The following TRIM2 variants were observed in gnomAD, a reference collection of about 807,000 sequenced individuals.
TRIM2 encodes tripartite motif-containing protein 2.
A neutral mutation model predicts 75.2 loss-of-function variants in TRIM2; 20 were observed. The ratio of observed to expected loss-of-function variants is 0.27; its 90% confidence interval spans 0.19 to 0.39. TRIM2 has a LOEUF of 0.39. TRIM2 is among the 10% of genes least tolerant of loss of function. TRIM2 has a pLI of 1.00. For synonymous variants in TRIM2, 373 were observed against 388.3 expected, an observed-to-expected ratio of 0.96 and a Z score of 0.46; for missense variants, 660 against 990.8, an observed-to-expected ratio of 0.67 and a Z score of 4.48.
At chr4:153,228,892 A>G (rs1742874725) in intron 1 of TRIM2, among the ~76,000 whole-genome samples, 1 of 152,140 alleles carries the variant, frequency 6.6e-6, no homozygotes, top group South Asian at 2.1e-4. Context: ...TTCCCCCCAC[A>G]AATGGTGTCT....
At chr4:153,180,258 C>T (rs1731914296) in intron 1 of TRIM2, among the ~76,000 whole-genome samples, 2 of 152,184 alleles carry the variant, frequency 1.3e-5, no homozygotes, top group Admixed American at 6.5e-5. Context: ...TAATGTCAGG[C>T]TCTCTTTTGT....
At chr4:153,229,047 T>G (rs1195694729) in intron 1 of TRIM2, among the ~76,000 whole-genome samples, 3 of 152,192 alleles carry the variant, frequency 2.0e-5, no homozygotes, top group African/African-American at 7.2e-5. Context: ...TGGGGCCCTG[T>G]GCAAAGTGCT....
At chr4:153,222,974 C>G (rs895104397) in intron 1 of TRIM2, 1 of 152,254 alleles carries the variant, frequency 6.6e-6, no homozygotes, top group African/African-American at 2.4e-5. Context: ...GGCCCAGGCC[C>G]GAGGGGTGAG....
chr4:153,253,754 T>C (rs1292930844), intron 1 of TRIM2, among the ~76,000 whole-genome samples: 1 of 152,058 alleles, frequency 6.6e-6, no homozygotes, highest in Non-Finnish European at 1.5e-5. Context: ...ACTGTTACAC[T>C]CCCACCAGCG....
chr4:153,311,894 T>A (rs1327574779), intron 6 of TRIM2, among the ~76,000 whole-genome samples: 2 of 144,298 alleles, frequency 1.4e-5, no homozygotes, highest in Non-Finnish European at 3.0e-5. Flanking sequence ...GTTTTTATTC[T>A]TTTATTTATT....
intron 1 of TRIM2, among the ~76,000 whole-genome samples, chr4:153,267,248 CGGT>C (rs1560915822): frequency 1.3e-5 from 2 of 151,970 alleles, no homozygotes; most frequent in African/African-American, 4.8e-5. Flanking sequence ...AGGTCAAGGG[CGGT>C]GTTGTGGTTT....
chr4:153,233,839 G>A (rs1341735314), intron 1 of TRIM2, among the ~76,000 whole-genome samples: 2 of 152,166 alleles, frequency 1.3e-5, no homozygotes, highest in Non-Finnish European at 2.9e-5. Flanking sequence ...CCTGCTGAGA[G>A]AGATGTTAAA....
intron 1 of TRIM2, among the ~76,000 whole-genome samples, chr4:153,221,762 A>AGCG (rs1740095692): frequency 1.2e-5 from 1 of 81,966 alleles, no homozygotes; most frequent in Non-Finnish European, 2.3e-5. Context: ...GAGGGAGGAA[A>AGCG]TAAGGAAGGA....
At chr4:153,247,971 G>A (rs1749732679) in intron 1 of TRIM2, among the ~76,000 whole-genome samples, 1 of 150,224 alleles carries the variant, frequency 6.7e-6, no homozygotes, top group South Asian at 2.1e-4. Context: ...GACTGCTTAT[G>A]ATGCATCAGG....
In TRIM2 at chr4:153,338,394, A is replaced by G; in HGVS notation, c.*3428A>G. The G allele has an allele frequency of 1.0e-6, 1 of 985,710 alleles. No homozygotes were observed. Among genetic ancestry groups the G allele is most frequent in the Non-Finnish European group, 1.2e-6 (1 of 829,800 alleles). The allele number at this position is 985,710 out of a possible 1,614,324, so 61.1% of individuals were successfully genotyped here. On this transcript the variant is annotated 3_prime_UTR_variant, in exon 12 of 12. Transcript: ENST00000338700. ...AGGGAGGAGTATTTTTAGTTTGACA[A>G]TTTAATAATTTAAAAACAAGACATC...
chr4:153,257,320 C>T, intron 1 of TRIM2: 1 of 811,896 alleles, frequency 1.2e-6, no homozygotes, highest in Non-Finnish European at 1.5e-6. Context: ...ACCCACGAAT[C>T]TCATTGCAGC....
Position 153,197,573 on chromosome 4 carries a change from G to A in TRIM2, c.-49+44303G>A, listed in dbSNP as rs116522002. Among the ~76,000 whole-genome samples the A allele has an allele frequency of 2.6e-3, 398 of 152,220 alleles. 5 individuals carry two copies. Among genetic ancestry groups the A allele is most frequent in the African/African-American group, 9.0e-3 (372 of 41,560 alleles). On this transcript the variant is annotated intron_variant, in intron 1 of 11. Coordinates refer to the TRIM2 transcript ENST00000437508. ...CATGAGTGCAGAATCCTCATGAATGGGATTAGTGCTCTTATAAAAGAGACC... is the reference window on the plus strand; with the variant it reads ...CATGAGTGCAGAATCCTCATGAATGAGATTAGTGCTCTTATAAAAGAGACC...
chr4:153,285,146 T>A (rs1360872292), intron 3 of TRIM2, among the ~76,000 whole-genome samples: 2 of 152,226 alleles, frequency 1.3e-5, no homozygotes, highest in Non-Finnish European at 2.9e-5. Flanking sequence ...ATTTCATTCT[T>A]GTACATGTGA....
At chr4:153,280,522 C>G (rs937294169) in intron 3 of TRIM2, among the ~76,000 whole-genome samples, 3 of 151,634 alleles carry the variant, frequency 2.0e-5, no homozygotes, top group African/African-American at 7.3e-5. Context: ...GTAGCTGGGA[C>G]TACAGGAACA....
At chr4:153,219,580 A>T (rs1357587126) in intron 1 of TRIM2, among the ~76,000 whole-genome samples, 6 of 152,214 alleles carry the variant, frequency 3.9e-5, no homozygotes, top group African/African-American at 1.4e-4. Context: ...TTAGAATTTT[A>T]AAAATGGGCC....
chr4:153,190,546 G>A (rs1204067540), intron 1 of TRIM2, among the ~76,000 whole-genome samples: 2 of 152,134 alleles, frequency 1.3e-5, no homozygotes, highest in East Asian at 3.9e-4. Flanking sequence ...AAGCATATAA[G>A]TTATGGGGCC....
At chr4:153,233,300 C>A (rs1744151867) in intron 1 of TRIM2, among the ~76,000 whole-genome samples, 1 of 151,748 alleles carries the variant, frequency 6.6e-6, no homozygotes, top group Non-Finnish European at 1.5e-5. Context: ...AAAGAAAGTG[C>A]CAAAGAAAGG....
chr4:153,232,291 T>C lies in TRIM2; in HGVS notation c.30+27731T>C, dbSNP rs1249947693. Among the ~76,000 whole-genome samples, 4 of 152,022 alleles carry C rather than the reference T, an allele frequency of 2.6e-5. No homozygotes were observed. In the East Asian group the frequency reaches 7.7e-4, roughly 29 times the overall value. On this transcript the variant is annotated intron_variant, in intron 1 of 11. Transcript: ENST00000338700. ...ACTTTGGGAGGCCGAGGCAGGCAGA[T>C]GGATCGAGACCAGCCTGGCCAACAT... is the stretch of plus-strand genomic sequence containing the variant.
intron 1 of TRIM2, among the ~76,000 whole-genome samples, chr4:153,186,073 G>T (rs2149647652): frequency 6.6e-6 from 1 of 152,284 alleles, no homozygotes; most frequent in South Asian, 2.1e-4. Context: ...AAATGCTACT[G>T]GTATCGAGTG....
Sources: gnomAD v4.1 joint callset for allele counts (sites outside exome capture counted in the v4.1 genomes callset) on GRCh38, gnomAD v4.1.1 for gene constraint, MANE v1.5 for transcripts, NCBI Gene and HGNC (gene_info 2026-07-23, HGNC 2026-07-21) for gene names.